Variants in DOK7 observed in about 807,000 individuals in gnomAD.
The protein encoded by DOK7 is docking protein 7.
In DOK7, 32 loss-of-function variants were observed where a neutral mutation model predicts 30.7. The ratio of observed to expected loss-of-function variants is 1.04; its 90% CI spans 0.79 to 1.40. The LOEUF (loss-of-function observed/expected upper bound fraction) is 1.40. DOK7 is among the 40% of genes most tolerant of loss of function. DOK7 has a pLI of 0.00. For missense variants in DOK7, 1,007 were observed against 699.2 expected, an observed-to-expected ratio of 1.44 and a Z score of -4.97; for synonymous variants, 447 against 324.1, an observed-to-expected ratio of 1.38 and a Z score of -4.07.
In DOK7 at chr4:3,494,447, T is replaced by C; in HGVS notation, c.*946T>C. ...CAGCTGTTTCTAAACCCAGACACTG[T>C]TTGTAATAGACTGGAAATAAAATGT... On this transcript the variant is annotated 3_prime_UTR_variant, in exon 7 of 7. Transcript: ENST00000340083. 2.0e-6 allele frequency: 2 copies of C among 978,814 alleles called. No individual in the cohort carries two copies. Among genetic ancestry groups the C allele is most frequent in the Non-Finnish European group, 2.4e-6 (2 of 829,244 alleles). 60.6% of individuals were successfully genotyped at this position (978,814 alleles called of 1,614,324 possible).
chr4:3,477,088 A>C (rs1478488546), intron 4 of DOK7, among the ~76,000 whole-genome samples: 1 of 152,072 alleles, frequency 6.6e-6, no homozygotes, highest in Non-Finnish European at 1.5e-5. Context: ...CAGCCAGGGG[A>C]GTGAGGGAAA....
At chr4:3,500,815 C>G (rs1290563034) in exon 8 of DOK7, 1 of 1,531,482 alleles carries the variant, frequency 6.5e-7, no homozygotes, top group East Asian at 2.4e-5. Context: ...AGGAAGGCAG[C>G]CCCGCAGTGA....
At chr4:3,485,234 G>T in intron 4 of DOK7, 1 of 313,224 alleles carries the variant, frequency 3.2e-6, no homozygotes. Flanking sequence ...GTCGGCTGCA[G>T]GACCTAGGAT....
Position 3,493,764 on chromosome 4 carries a change from C to T in DOK7, c.*263C>T. ...AGCCCCAATGCTCAGCTGCTTCACT[C>T]CGTGTCCCCCACCCCTGAGGATCAG... is the stretch of plus-strand genomic sequence containing the variant. On this transcript the variant is annotated 3_prime_UTR_variant, in exon 7 of 7. Coordinates refer to ENST00000340083, the MANE Select transcript of DOK7 (RefSeq NM_173660.5). 1 of 1,398,284 alleles carries T rather than the reference C, an allele frequency of 7.2e-7. No homozygotes were observed. The highest frequency in any genetic ancestry group is 9.3e-7 in the Non-Finnish European group (1 of 1,079,668). 86.6% of individuals were successfully genotyped at this position (1,398,284 alleles called of 1,614,324 possible). A position where few individuals can be genotyped will look rare whatever the true frequency, so the allele number is the denominator to read the frequency against.
downstream of DOK7, among the ~76,000 whole-genome samples, chr4:3,498,113 C>T (rs1729011351): frequency 6.6e-6 from 1 of 152,130 alleles, no homozygotes; most frequent in South Asian, 2.1e-4. Context: ...TAGCGTCGGG[C>T]TGCCAGCCCA....
chr4:3,490,486 ATTCCTTCCTTTTCCCCCTGCTCATTCT>A (rs1414652803), intron 6 of DOK7, among the ~76,000 whole-genome samples: 4 of 100,692 alleles, frequency 4.0e-5, no homozygotes, highest in East Asian at 3.0e-4. Flanking sequence ...CTGCTCATTC[ATTCCTTCCTTTTCCCCCTGCTCATTCT>A]TTCCTTCACC....
At chr4:3,489,621 G>C (rs538624477) in intron 5 of DOK7, 56 bp from the exon 6 acceptor site, 4 of 1,553,574 alleles carry the variant, frequency 2.6e-6, no homozygotes, top group Non-Finnish European at 3.5e-6. Flanking sequence ...TGGTGCCTGC[G>C]GGCGAGGGTG....
chr4:3,493,081 C>A lies in DOK7; in HGVS notation c.1095C>A (p.Ala365=). 2 of 1,577,036 alleles carry A rather than the reference C, an allele frequency of 1.3e-6. No homozygotes were observed. The highest frequency in any genetic ancestry group is 1.7e-6 in the Non-Finnish European group (2 of 1,165,872). ...YAGSSLDVWR[A]TDELGSLLSL... ...GCAGCAGCCTGGACGTGTGGCGGGC[C>A]ACAGATGAACTGGGCTCACTGCTCA... The change falls in exon 7 of 7, where the codon GCC becomes GCA. Residue 365 remains alanine, a synonymous_variant. Coordinates refer to ENST00000340083, the MANE Select transcript of DOK7 (RefSeq NM_173660.5).
intron 4 of DOK7, among the ~76,000 whole-genome samples, chr4:3,477,119 G>C (rs1456631122): frequency 2.6e-5 from 4 of 152,176 alleles, no homozygotes; most frequent in Admixed American, 1.3e-4. Context: ...AAGGCACCCA[G>C]CCCTGCCCAG....
chr4:3,479,415 G>C (rs576106855), intron 4 of DOK7, among the ~76,000 whole-genome samples: 1 of 152,368 alleles, frequency 6.6e-6, no homozygotes, highest in African/African-American at 2.4e-5. Flanking sequence ...CACTGGGACG[G>C]AGAAATATCC....
At chr4:3,495,759 C>T (rs988568042), downstream of DOK7, among the ~76,000 whole-genome samples, 1 of 152,002 alleles carries the variant, frequency 6.6e-6, no homozygotes, top group Admixed American at 6.6e-5. Flanking sequence ...TTCGCTGGTT[C>T]GGGCTCTGCA....
Position 3,463,394 on chromosome 4 carries a change from G to T in DOK7, c.19G>T (p.Val7Leu). ...ACAGAAGATGACCGAGGCGGCGCTG[G>T]TGGAGGGCCAGGTCAAGCTGCGGGA... is the stretch of plus-strand genomic sequence containing the variant. Reference protein sequence around the residue: MTEAALVEGQVKLRDGK... With the variant: MTEAALLEGQVKLRDGK... Residue 7 changes from valine (V) to leucine (L), a missense_variant, in exon 1 of 7, where the codon GTG (valine) becomes TTG (leucine). Transcript: ENST00000340083. 6.7e-7 allele frequency: 1 copy of T among 1,495,776 alleles called. No individual in the cohort carries two copies. Among genetic ancestry groups the T allele is most frequent in the Non-Finnish European group, 8.8e-7 (1 of 1,136,052 alleles). 92.7% of individuals were successfully genotyped at this position (1,495,776 alleles called of 1,614,324 possible). A position where few individuals can be genotyped will look rare whatever the true frequency, so the allele number is the denominator to read the frequency against.
chr4:3,498,468 G>C (rs1220545093), downstream of DOK7, among the ~76,000 whole-genome samples: 1 of 152,200 alleles, frequency 6.6e-6, no homozygotes, highest in East Asian at 1.9e-4. Context: ...TGGAAGAACG[G>C]ATGCAATCCT....
At position 3,463,421 on chromosome 4, in the gene DOK7, G is replaced by T. The variant is rs764824461; in HGVS notation, c.46G>T (p.Gly16Cys). ...GGAGGGCCAGGTCAAGCTGCGGGAC[G>T]GCAAGAAGGTCGGGGCGCGTCGGGG... ...LVEGQVKLRD[G>C]KKWKSRWLVL... is the part of the protein sequence containing the mutation. The change falls in exon 1 of 7, where the codon GGC becomes TGC. Residue 16 changes from glycine (G) to cysteine (C), a missense_variant. Physicochemically the swap from Gly to Cys is radical, Grantham distance 159. Transcript: ENST00000340083. The T allele has an allele frequency of 4.1e-6, 6 of 1,455,712 alleles. No individual in the cohort carries two copies. Among genetic ancestry groups the T allele is most frequent in the Admixed American group, 2.6e-5 (1 of 38,280 alleles). 90.2% of individuals were successfully genotyped at this position (1,455,712 alleles called of 1,614,324 possible). A position where few individuals can be genotyped will look rare whatever the true frequency, so the allele number is the denominator to read the frequency against.
intron 2 of DOK7, among the ~76,000 whole-genome samples, chr4:3,464,393 C>T (rs1726154989): frequency 6.6e-6 from 1 of 152,210 alleles, no homozygotes; most frequent in Non-Finnish European, 1.5e-5. Context: ...TTCCTGCCTG[C>T]CTCCGCCTCC....
At chr4:3,466,187 C>T (rs1726250844) in intron 2 of DOK7, among the ~76,000 whole-genome samples, 1 of 148,932 alleles carries the variant, frequency 6.7e-6, no homozygotes, top group African/African-American at 2.5e-5. Flanking sequence ...CCCAGTTCCC[C>T]CCAGCCAGCC....
At chr4:3,471,693 G>A (rs1049306137) in intron 2 of DOK7, among the ~76,000 whole-genome samples, 1 of 152,220 alleles carries the variant, frequency 6.6e-6, no homozygotes, top group Admixed American at 6.5e-5. Context: ...CGATTACGCC[G>A]CTGTGTTTGA....
chr4:3,500,526 C>T (rs970375253), intron 7 of DOK7: 10 of 1,467,456 alleles, frequency 6.8e-6, no homozygotes, highest in South Asian at 6.5e-5. Context: ...AGCCTCCCCC[C>T]AGGAGGCAAA....
At chr4:3,495,803 G>A (rs1437480790), downstream of DOK7, among the ~76,000 whole-genome samples, 1 of 152,062 alleles carries the variant, frequency 6.6e-6, no homozygotes, top group Non-Finnish European at 1.5e-5. Flanking sequence ...CCCACCGGGA[G>A]CAGCTGGGGA....
Sources: gnomAD v4.1 joint callset for allele counts (sites outside exome capture counted in the v4.1 genomes callset) on GRCh38, gnomAD v4.1.1 for gene constraint, MANE v1.5 for transcripts, NCBI Gene and HGNC (gene_info 2026-07-23, HGNC 2026-07-21) for gene names.